The following TLN2 variants were observed in gnomAD, a reference collection of about 807,000 sequenced individuals.
TLN2 encodes the protein talin 2, also known as talin-2.
In TLN2, 118 loss-of-function variants were observed where a neutral mutation model predicts 294.7. The observed-to-expected ratio is 0.40, with a 90% confidence interval of 0.34 to 0.47. The LOEUF is 0.47. TLN2 is among the 20% of genes least tolerant of loss of function. The probability of loss-of-function intolerance (pLI) is 0.84; values close to 1 mark genes in which losing one functional copy is unlikely to be tolerated. For missense variants in TLN2, 3,083 were observed against 3,282.2 expected (o/e 0.94, Z 1.48); for synonymous variants, 1,431 against 1,304.5 (o/e 1.10, Z -2.09).
At chr15:62,657,620 A>G (rs1348022187) in intron 8 of TLN2, 151 bp from the exon 9 acceptor site, 8 of 1,199,036 alleles carry the variant, frequency 6.7e-6, no homozygotes, top group South Asian at 2.3e-5. Context: ...CCATGCGGTG[A>G]TCATCCACTG....
intron 52 of TLN2, among the ~76,000 whole-genome samples, chr15:62,815,229 ACACT>A (rs1162564551): frequency 8.2e-5 from 10 of 121,858 alleles, no homozygotes; most frequent in Admixed American, 2.4e-4. Context: ...ACACACACAC[ACACT>A]CACTCGCTCT....
At chr15:62,722,289 A>G (rs2060195233) in intron 25 of TLN2, 64 bp from the exon 26 acceptor site, 1 of 1,524,118 alleles carries the variant, frequency 6.6e-7, no homozygotes, top group Admixed American at 2.0e-5. Flanking sequence ...CTCGCTGCTT[A>G]GGTCTCTCCT....
intron 19 of TLN2, among the ~76,000 whole-genome samples, 157 bp downstream of exon 19, chr15:62,703,021 A>G (rs1234020696): frequency 6.6e-6 from 1 of 152,020 alleles, no homozygotes; most frequent in Admixed American, 6.5e-5. Context: ...TTTTTGTGTT[A>G]CCAAAAAGAT....
chr15:62,637,549 C>T (rs1231863300), intron 3 of TLN2: 1 of 152,214 alleles, frequency 6.6e-6, no homozygotes, highest in Non-Finnish European at 1.5e-5. Context: ...TTCCCAGAAC[C>T]TCTGTTTTTA....
intron 34 of TLN2, among the ~76,000 whole-genome samples, chr15:62,751,763 CTA>C (rs1184833412): frequency 6.6e-6 from 1 of 152,224 alleles, no homozygotes; most frequent in Admixed American, 6.5e-5. Flanking sequence ...ATTCTGAACA[CTA>C]AAATCTCTTT....
At chr15:62,684,367 A>G (rs750041995) in intron 11 of TLN2, among the ~76,000 whole-genome samples, 4 of 151,982 alleles carry the variant, frequency 2.6e-5, no homozygotes, top group Non-Finnish European at 5.9e-5. Flanking sequence ...GAGCCTATCA[A>G]GCTAAAACTC....
Position 62,805,584 on chromosome 15 carries a change from T to A in TLN2, c.6478-16T>A, listed in dbSNP as rs2066224875. On this transcript the variant is annotated splice_polypyrimidine_tract_variant and intron_variant, in intron 50 of 58. Transcript: ENST00000636159. ...TCCTTTTTGATTTTTTTAACCTCTC[T>A]GTTTCTGACTTCCAGGTGTTCCAGT... 6.3e-7 allele frequency: 1 copy of A among 1,582,246 alleles called. No individual in the cohort carries two copies. The highest frequency in any genetic ancestry group is 1.1e-5 in the South Asian group (1 of 88,082).
At chr15:62,636,876 C>T (rs1386936586) in intron 3 of TLN2, among the ~76,000 whole-genome samples, 2 of 152,214 alleles carry the variant, frequency 1.3e-5, no homozygotes, top group Non-Finnish European at 2.9e-5. Context: ...GGAGCTTGCG[C>T]ACAGTTCTTG....
intron 2 of TLN2, among the ~76,000 whole-genome samples, chr15:62,603,054 G>A (rs571016863): frequency 5.3e-5 from 8 of 151,890 alleles, no homozygotes; most frequent in Non-Finnish European, 1.0e-4. Flanking sequence ...CACCACGCCC[G>A]GCTAATTTTT....
intron 1 of TLN2, among the ~76,000 whole-genome samples, chr15:62,564,235 C>T (rs140409137): frequency 3.9e-4 from 60 of 152,268 alleles, no homozygotes; most frequent in African/African-American, 1.3e-3. Flanking sequence ...AGCCTCAGGC[C>T]TTCAGAGTCT....
At chr15:62,781,946 G>A (rs193137698) in intron 44 of TLN2, among the ~76,000 whole-genome samples, 3 of 152,272 alleles carry the variant, frequency 2.0e-5, no homozygotes, top group East Asian at 3.9e-4. Flanking sequence ...GCAGTTATAC[G>A]AAAGATGACA....
chr15:62,809,858 T>C, intron 51 of TLN2, 67 bp from the exon 52 acceptor site: 3 of 1,492,220 alleles, frequency 2.0e-6, no homozygotes, highest in Non-Finnish European at 2.8e-6. Context: ...CTCTTGCCTC[T>C]GAGTCTGGGA....
chr15:62,665,412 T>C (rs532672704), intron 9 of TLN2, among the ~76,000 whole-genome samples: 6 of 152,304 alleles, frequency 3.9e-5, no homozygotes, highest in South Asian at 2.1e-4. Context: ...ATAAAACTTA[T>C]ATTCACCAAA....
intron 19 of TLN2, 60 bp from the exon 20 acceptor site, chr15:62,707,026 C>T: frequency 6.7e-7 from 1 of 1,489,158 alleles, no homozygotes; most frequent in Non-Finnish European, 9.0e-7. Flanking sequence ...CGTTTATTTT[C>T]AGGCTGTGAA....
At chr15:62,425,195 C>T (rs945283586) in intron 1 of TLN2, among the ~76,000 whole-genome samples, 3 of 152,098 alleles carry the variant, frequency 2.0e-5, no homozygotes, top group Admixed American at 6.6e-5. Flanking sequence ...TCAAGTGATC[C>T]GCTTGCCTCT....
chr15:62,709,056 T>G (rs1393354207), intron 21 of TLN2, among the ~76,000 whole-genome samples: 1 of 152,220 alleles, frequency 6.6e-6, no homozygotes, highest in African/African-American at 2.4e-5. Context: ...TGAATCCCCT[T>G]TGTTCTGCGA....
intron 2 of TLN2, among the ~76,000 whole-genome samples, chr15:62,605,087 T>C (rs1334162969): frequency 6.6e-6 from 1 of 152,182 alleles, no homozygotes; most frequent in East Asian, 1.9e-4. Context: ...TTTCATATAA[T>C]GGAAATTATT....
intron 32 of TLN2, among the ~76,000 whole-genome samples, chr15:62,743,255 T>A (rs1443467156): frequency 6.6e-6 from 1 of 152,094 alleles, no homozygotes; most frequent in Non-Finnish European, 1.5e-5. Context: ...CTGTCCTTCC[T>A]GTGTGTATCC....
At chr15:62,761,555 A>T in intron 37 of TLN2, 126 bp from the exon 38 acceptor site, 26 of 1,333,724 alleles carry the variant, frequency 1.9e-5, no homozygotes, top group Non-Finnish European at 2.7e-5. Context: ...TTTATTGTTT[A>T]TGAAGTCACC....
Sources: gnomAD v4.1 joint callset for allele counts (sites outside exome capture counted in the v4.1 genomes callset) on GRCh38, gnomAD v4.1.1 for gene constraint, MANE v1.5 for transcripts, NCBI Gene and HGNC (gene_info 2026-07-23, HGNC 2026-07-21) for gene names.